Variants in JMJD1C observed in about 807,000 individuals in gnomAD.
The protein encoded by JMJD1C is jumonji domain containing 1C.
Under a neutral mutation model 245.3 loss-of-function variants are expected in JMJD1C, and 31 were observed. The observed-to-expected ratio is 0.13, with a 90% confidence interval of 0.09 to 0.17. The LOEUF is 0.17. JMJD1C is among the 10% of genes least tolerant of loss of function. The pLI is 1.00. For missense variants in JMJD1C, 2,691 were observed against 3,000.2 expected, an observed-to-expected ratio of 0.90 and a Z score of 2.41; for synonymous variants, 1,057 against 1,017.4, an observed-to-expected ratio of 1.04 and a Z score of -0.74.
chr10:63,364,032 A>G (rs911100282), intron 2 of JMJD1C, among the ~76,000 whole-genome samples: 6 of 150,534 alleles, frequency 4.0e-5, no homozygotes, highest in East Asian at 1.9e-4. Flanking sequence ...ATTTTTGTAT[A>G]TATTTTTTTT....
At chr10:63,182,016 T>G (rs1564561522) in intron 22 of JMJD1C, among the ~76,000 whole-genome samples, 1 of 152,204 alleles carries the variant, frequency 6.6e-6, no homozygotes, top group Non-Finnish European at 1.5e-5. Flanking sequence ...AAAATGAGTT[T>G]CTACAGTTTT....
Position 63,385,260 on chromosome 10 carries a change from G to A in JMJD1C, c.169-4778C>T, listed in dbSNP as rs1235845250. Among the ~76,000 whole-genome samples the A allele has an allele frequency of 3.3e-5, 5 of 151,834 alleles. No homozygotes were observed. In the East Asian group the frequency reaches 9.6e-4, roughly 29 times the overall value. ...TCACTGATGACACATCACCATAAGA[G>A]ATGTAATAGTAATAATAATAAAAGT... On this transcript the variant is annotated intron_variant, in intron 1 of 25. Transcript: ENST00000399262.
chr10:63,465,321 A>C, intron 1 of JMJD1C, 174 bp downstream of exon 1: 2 of 678,054 alleles, frequency 2.9e-6, no homozygotes, highest in South Asian at 1.9e-5. Flanking sequence ...AGCCGCTCGG[A>C]GAGACGCAGG....
At chr10:63,474,074 A>G (rs59215788) in intron 1 of JMJD1C, among the ~76,000 whole-genome samples, 22,327 of 151,786 alleles carry the variant, frequency 0.15, 2,167 homozygotes, top group Admixed American at 0.29. Context: ...AGAAATAAAT[A>G]CACACTTGGT....
At chr10:63,385,492 T>A (rs543849990) in intron 1 of JMJD1C, among the ~76,000 whole-genome samples, 1 of 141,308 alleles carries the variant, frequency 7.1e-6, no homozygotes, top group African/African-American at 2.6e-5. Flanking sequence ...GGCTGGAGTA[T>A]AGTGGTAAGA....
At chr10:63,274,532 T>C (rs567629577) in intron 2 of JMJD1C, among the ~76,000 whole-genome samples, 4 of 151,210 alleles carry the variant, frequency 2.6e-5, no homozygotes, top group Non-Finnish European at 5.9e-5. Context: ...GCCACTGCAC[T>C]CCAGTCTGGG....
intron 2 of JMJD1C, among the ~76,000 whole-genome samples, chr10:63,298,564 T>TA (rs1859699731): frequency 1.3e-5 from 2 of 152,214 alleles, no homozygotes; most frequent in African/African-American, 2.4e-5. Context: ...GACCTCATCT[T>TA]AATTTGATTA....
intron 2 of JMJD1C, among the ~76,000 whole-genome samples, chr10:63,294,595 A>C (rs187423856): frequency 4.6e-5 from 7 of 152,174 alleles, no homozygotes; most frequent in African/African-American, 1.4e-4. Flanking sequence ...AATCTTTCCA[A>C]GGCCTAGTTC....
chr10:63,342,955 C>A (rs1319024738), intron 2 of JMJD1C, among the ~76,000 whole-genome samples: 1 of 152,064 alleles, frequency 6.6e-6, no homozygotes, highest in East Asian at 1.9e-4. Flanking sequence ...TGGGTCACCT[C>A]CCCAAGATAT....
chr10:63,449,263 G>GT (rs1216547029), intron 1 of JMJD1C, among the ~76,000 whole-genome samples: 33 of 151,890 alleles, frequency 2.2e-4, no homozygotes, highest in Non-Finnish European at 3.7e-4. Flanking sequence ...AAGATGAACT[G>GT]GTACACAATC....
rs778639101 is a variant in JMJD1C at position 63,209,023 on chromosome 10, G to A, written c.2867+40C>T. The A allele has an allele frequency of 2.1e-5, 32 of 1,493,940 alleles. No homozygotes were observed. In the Middle Eastern group the frequency reaches 8.8e-4, roughly 41 times the overall value. The allele number at this position is 1,493,940 out of a possible 1,614,324, so 92.5% of individuals were successfully genotyped here. ...TAAAAGGCAAATTAAGAAAAATTAT[G>A]AACAAGGTATTTATAATTTTTAAGC... On this transcript the variant is annotated intron_variant, in intron 9 of 25. Coordinates refer to ENST00000399262, the MANE Select transcript of JMJD1C (RefSeq NM_032776.3).
rs929508547 is a variant in JMJD1C, at chr10:63,489,619, A to C, written n.113+32119T>G. 4 of 153,838 alleles carry C rather than the reference A, an allele frequency of 2.6e-5. No homozygotes were observed. In the East Asian group the frequency reaches 7.6e-4, roughly 29 times the overall value. The allele number at this position is 153,838 out of a possible 1,614,324, so 9.5% of individuals were successfully genotyped here. On this transcript the variant is annotated intron_variant and non_coding_transcript_variant, in intron 1 of 3. Coordinates refer to the JMJD1C transcript ENST00000633035. ...GAGTAACTGTTGGATGGGGGTCTAA[A>C]AGGAATGAGTGAAGAGATTCAACAC... is the stretch of plus-strand genomic sequence containing the variant.
At chr10:63,432,292 G>A (rs1950804299) in intron 1 of JMJD1C, among the ~76,000 whole-genome samples, 1 of 152,120 alleles carries the variant, frequency 6.6e-6, no homozygotes, top group African/African-American at 2.4e-5. Context: ...TAACTAGCCC[G>A]GGTGTTCACC....
intron 1 of JMJD1C, among the ~76,000 whole-genome samples, chr10:63,473,242 G>A (rs554669924): frequency 8.6e-4 from 127 of 148,138 alleles, no homozygotes; most frequent in African/African-American, 3.0e-3. Flanking sequence ...ATACACATTT[G>A]GTTAAAAAAA....
intron 2 of JMJD1C, among the ~76,000 whole-genome samples, chr10:63,292,610 CA>C (rs1858912964): frequency 6.6e-6 from 1 of 151,106 alleles, no homozygotes; most frequent in African/African-American, 2.4e-5. Flanking sequence ...GACTCTGTCT[CA>C]AAAAAATAAA....
At chr10:63,349,814 GAAAAT>G (rs1421614146) in intron 2 of JMJD1C, among the ~76,000 whole-genome samples, 7 of 152,124 alleles carry the variant, frequency 4.6e-5, no homozygotes, top group Non-Finnish European at 1.0e-4. Flanking sequence ...CAGAATTGAG[GAAAAT>G]AGTGATGAAT....
intron 1 of JMJD1C, among the ~76,000 whole-genome samples, chr10:63,442,655 ATATTCACAT>A (rs1951459360): frequency 6.6e-6 from 1 of 152,188 alleles, no homozygotes; most frequent in Non-Finnish European, 1.5e-5. Flanking sequence ...CTCCAAGCAA[ATATTCACAT>A]TATTCTCCTC....
At chr10:63,306,949 T>C (rs1589436172) in intron 2 of JMJD1C, among the ~76,000 whole-genome samples, 1 of 152,188 alleles carries the variant, frequency 6.6e-6, no homozygotes, top group East Asian at 1.9e-4. Flanking sequence ...GTTAACTTCA[T>C]TTACTTTTTT....
intron 3 of JMJD1C, among the ~76,000 whole-genome samples, chr10:63,232,252 TG>T (rs1429773350): frequency 6.6e-6 from 1 of 152,148 alleles, no homozygotes; most frequent in Non-Finnish European, 1.5e-5. Context: ...ATCCCCTTTC[TG>T]GAACACGTTC....
Sources: allele counts gnomAD v4.1 joint callset (sites outside exome capture counted in the v4.1 genomes callset), GRCh38; gene constraint gnomAD v4.1.1; transcripts MANE v1.5; gene names NCBI Gene and HGNC (gene_info 2026-07-23, HGNC 2026-07-21).